Variants in MIB1 observed in about 807,000 individuals in gnomAD.
MIB1 encodes MIB E3 ubiquitin protein ligase 1, also known as E3 ubiquitin-protein ligase MIB1.
Under a neutral mutation model 124.5 loss-of-function variants are expected in MIB1, and 278 were observed. The ratio of observed to expected loss-of-function variants is 2.23; its 90% CI spans 2.02 to 2.47. The LOEUF is 2.47. MIB1 is among the 30% of genes most tolerant of loss of function. The pLI is 0.00. For synonymous variants in MIB1, 446 were observed against 429.4 expected, an observed-to-expected ratio of 1.04 and a Z score of -0.48; for missense variants, 957 against 1,254.4, an observed-to-expected ratio of 0.76 and a Z score of 3.58.
chr18:21,824,504 G>A (rs62090819), intron 12 of MIB1, among the ~76,000 whole-genome samples: 18 of 152,058 alleles, frequency 1.2e-4, no homozygotes, highest in Non-Finnish European at 2.4e-4. Context: ...AGTCTATTCG[G>A]TAATAGGATA....
At chr18:21,759,033 T>C (rs918555381) in intron 1 of MIB1, among the ~76,000 whole-genome samples, 26 of 152,040 alleles carry the variant, frequency 1.7e-4, no homozygotes, top group African/African-American at 6.0e-4. Flanking sequence ...AAGAAAGCAT[T>C]ACTAATAACA....
At chr18:21,733,969 G>A (rs986776147) in intron 1 of MIB1, among the ~76,000 whole-genome samples, 3 of 152,074 alleles carry the variant, frequency 2.0e-5, no homozygotes, top group Admixed American at 1.3e-4. Flanking sequence ...TTCTTAAAAT[G>A]AGTTATCCAT....
intron 12 of MIB1, among the ~76,000 whole-genome samples, chr18:21,822,970 A>G (rs2041892318): frequency 6.6e-6 from 1 of 152,112 alleles, no homozygotes; most frequent in South Asian, 2.1e-4. Context: ...GTGGTGGCTC[A>G]TGCCTATAAT....
In MIB1 at chr18:21,867,524, A is replaced by G. The variant is rs926605442; in HGVS notation, c.*2858A>G. The G allele has an allele frequency of 6.6e-6, 1 of 152,596 alleles. No individual in the cohort carries two copies. Among genetic ancestry groups the G allele is most frequent in the Non-Finnish European group, 1.5e-5 (1 of 67,982 alleles). The allele number at this position is 152,596 out of a possible 1,614,324, so 9.5% of individuals were successfully genotyped here. ...GGTTTTCAAGAAAAGATAATTTTGT[A>G]TTAGTGTAGGAATATATTAGACAAA... On this transcript the variant is annotated 3_prime_UTR_variant, in exon 21 of 21. Coordinates refer to ENST00000261537, the MANE Select transcript of MIB1 (RefSeq NM_020774.4).
At chr18:21,763,523 C>T (rs749609546) in intron 1 of MIB1, among the ~76,000 whole-genome samples, 8 of 151,974 alleles carry the variant, frequency 5.3e-5, no homozygotes, top group Non-Finnish European at 1.0e-4. Flanking sequence ...GTTTCTAAGG[C>T]GAGTTTCTAT....
intron 8 of MIB1, among the ~76,000 whole-genome samples, 181 bp downstream of exon 8, chr18:21,798,409 T>C (rs2041611265): frequency 6.6e-6 from 1 of 152,154 alleles, no homozygotes; most frequent in Non-Finnish European, 1.5e-5. Context: ...TTTTTTATAA[T>C]GTGTTGAACA....
chr18:21,715,432 T>A (rs2040685381), intron 1 of MIB1, among the ~76,000 whole-genome samples: 1 of 152,110 alleles, frequency 6.6e-6, no homozygotes, highest in Non-Finnish European at 1.5e-5. Flanking sequence ...AAACCAACTC[T>A]GGTAATATGA....
chr18:21,859,886 CAAAA>C (rs934260189), intron 20 of MIB1, among the ~76,000 whole-genome samples: 2 of 28,416 alleles, frequency 7.0e-5, no homozygotes, highest in Non-Finnish European at 1.3e-4. Context: ...GAGACTGTCT[CAAAA>C]AAAAAAAAAA....
At chr18:21,848,849 C>T (rs1023921890) in intron 16 of MIB1, among the ~76,000 whole-genome samples, 34 of 152,042 alleles carry the variant, frequency 2.2e-4, no homozygotes, top group African/African-American at 8.0e-4. Flanking sequence ...ATTCCTATGC[C>T]TTCCTCTGCT....
intron 7 of MIB1, 30 bp from the exon 8 acceptor site, chr18:21,798,054 T>C (rs2041604755): frequency 6.2e-7 from 1 of 1,609,922 alleles, no homozygotes. Flanking sequence ...ACTTTAGACT[T>C]GGAAACATGA....
intron 8 of MIB1, among the ~76,000 whole-genome samples, chr18:21,799,046 A>G (rs981247847): frequency 1.3e-5 from 2 of 152,050 alleles, no homozygotes; most frequent in African/African-American, 4.8e-5. Flanking sequence ...AAATGACACC[A>G]TAGTAGGTTG....
At chr18:21,735,976 G>A (rs1429116329), upstream of MIB1, among the ~76,000 whole-genome samples, 1 of 152,232 alleles carries the variant, frequency 6.6e-6, no homozygotes, top group Non-Finnish European at 1.5e-5. Flanking sequence ...GTCCCTGTCT[G>A]ACACCTGTGA....
rs2041632080 is a variant in MIB1 at position 21,799,959 on chromosome 18, A to G, written c.1356A>G (p.Lys452=). The change falls in exon 9 of 21, where the codon AAA becomes AAG. Residue 452 remains lysine, a synonymous_variant. Coordinates refer to ENST00000261537, the MANE Select transcript of MIB1 (RefSeq NM_020774.4). The stretch of plus-strand genomic sequence containing the variant: ...TTGCTAAAGTGGAAGATTTGCTTAA[A>G]AGACCAGATGTGGATGTGAGCATTT... ...GDVAKVEDLL[K]RPDVDVNGQC... 6.2e-7 allele frequency: 1 copy of G among 1,611,564 alleles called. No homozygotes were observed. The highest frequency in any genetic ancestry group is 8.5e-7 in the Non-Finnish European group (1 of 1,178,370).
chr18:21,855,674 A>G lies in MIB1; in HGVS notation c.2666-1456A>G, dbSNP rs2042219739. 2.6e-5 allele frequency among the ~76,000 whole-genome samples: 4 copies of G among 152,180 alleles called. No homozygotes were observed. In the South Asian group the frequency reaches 6.2e-4, roughly 24 times the overall value. On this transcript the variant is annotated intron_variant, in intron 18 of 20. Coordinates refer to ENST00000261537, the MANE Select transcript of MIB1 (RefSeq NM_020774.4). ...GACTGTTCTCCATCCAGCAGTGTGC[A>G]TGGCAAACTATTAGGAGTGTAGGCC...
At chr18:21,779,449 C>T (rs1347446135) in intron 5 of MIB1, 32 bp from the exon 6 acceptor site, 1 of 1,578,894 alleles carries the variant, frequency 6.3e-7, no homozygotes, top group South Asian at 1.1e-5. Flanking sequence ...AGGTTTTTTT[C>T]TCCCTTTATT....
At chr18:21,709,375 T>A (rs1266664430) in intron 1 of MIB1, among the ~76,000 whole-genome samples, 1 of 150,456 alleles carries the variant, frequency 6.6e-6, no homozygotes, top group East Asian at 2.0e-4. Context: ...ACTCCTGCTC[T>A]CTCTCGGCTA....
In MIB1 at chr18:21,853,136, A is replaced by T; in HGVS notation, c.2587-4A>T. On this transcript the variant is annotated splice_polypyrimidine_tract_variant and splice_region_variant and intron_variant, in intron 17 of 20. Coordinates refer to ENST00000261537, the MANE Select transcript of MIB1 (RefSeq NM_020774.4). ...TCACTGTGCTGTAACCTCTTTTTCT[A>T]TAGATTGAAGAATGTGTGGTATGCT... 3 of 1,606,994 alleles carry T rather than the reference A, an allele frequency of 1.9e-6. No homozygotes were observed. The highest frequency in any genetic ancestry group is 2.2e-5 in the South Asian group (2 of 90,844).
intron 1 of MIB1, among the ~76,000 whole-genome samples, chr18:21,734,476 CTT>C (rs2040786475): frequency 2.8e-5 from 2 of 70,982 alleles, no homozygotes; most frequent in African/African-American, 1.0e-4. Context: ...CTCTCTCTCT[CTT>C]TCTCTCTCTC....
chr18:21,858,347 G>A (rs1001473023), intron 19 of MIB1, among the ~76,000 whole-genome samples, 199 bp from the exon 20 acceptor site: 1 of 152,158 alleles, frequency 6.6e-6, no homozygotes, highest in African/African-American at 2.4e-5. Flanking sequence ...TGTGCAAACT[G>A]TTTCTTTTTG....
Sources: allele counts gnomAD v4.1 joint callset (sites outside exome capture counted in the v4.1 genomes callset), GRCh38; gene constraint gnomAD v4.1.1; transcripts MANE v1.5; gene names NCBI Gene and HGNC (gene_info 2026-07-23, HGNC 2026-07-21).